Variants in ERLIN2 observed in about 807,000 individuals in gnomAD.
ERLIN2 encodes ER lipid raft associated 2.
A neutral mutation model predicts 41.5 loss-of-function variants in ERLIN2; 22 were observed. That is an observed-to-expected ratio of 0.53 (90% CI 0.38 to 0.76). The LOEUF is 0.76. Among genes scored for constraint, ERLIN2 ranks in the 30% least tolerant of loss-of-function variants. The probability of loss-of-function intolerance (pLI) is 0.00; values close to 1 mark genes in which losing one functional copy is unlikely to be tolerated. For synonymous variants in ERLIN2, 149 were observed against 150.9 expected (o/e 0.99, Z 0.09); for missense variants, 247 against 414.3 (o/e 0.60, Z 3.51).
intron 1 of ERLIN2, 184 bp from the exon 2 acceptor site, chr8:37,737,724 A>G: frequency 1.5e-6 from 1 of 645,554 alleles, no homozygotes; most frequent in Non-Finnish European, 2.7e-6. Context: ...TTTACAGTTA[A>G]AGAAAGGGGA....
Position 37,750,423 on chromosome 8 carries a change from G to A in ERLIN2, c.586G>A (p.Ala196Thr). ...MESEKTKLLI[A>T]AQKQKVVEKE... ...AAGTGAGAAGACAAAGCTTCTCATT[G>A]CCGCCCAGAAACAGAAGGTGGTGGA... Residue 196 changes from alanine to threonine, a missense_variant, in exon 9 of 12, where the codon GCC becomes ACC. Around this residue, in one of 3 missense-constraint regions of ERLIN2, gnomAD observed 153 missense variants for 256.4 expected, o/e 0.60. Transcript: ENST00000519638. 2 of 1,613,742 alleles carry A rather than the reference G, an allele frequency of 1.2e-6. No individual in the cohort carries two copies. The highest frequency in any genetic ancestry group is 2.2e-5 in the South Asian group (2 of 91,078).
At chr8:37,736,849 C>T (rs1802660686) in intron 1 of ERLIN2, 171 bp downstream of exon 1, 2 of 985,830 alleles carry the variant, frequency 2.0e-6, no homozygotes, top group Non-Finnish European at 2.4e-6. Flanking sequence ...TTGCGAGCCG[C>T]AGGGGGACCG....
At chr8:37,736,888 G>A (rs1802662634) in intron 1 of ERLIN2, 1 of 985,950 alleles carries the variant, frequency 1.0e-6, no homozygotes, top group African/African-American at 1.7e-5. Flanking sequence ...CGCAGCCCCA[G>A]ACCAGGGCGC....
At chr8:37,743,323 G>A (rs1340717608) in intron 4 of ERLIN2, among the ~76,000 whole-genome samples, 1 of 152,182 alleles carries the variant, frequency 6.6e-6, no homozygotes, top group Non-Finnish European at 1.5e-5. Context: ...CCATTCTGAA[G>A]GCCCAAAGTC....
chr8:37,747,657 A>G, intron 6 of ERLIN2: 1 of 1,603,880 alleles, frequency 6.2e-7, no homozygotes. Context: ...CGACTGCTCC[A>G]TCCACAATGA....
At chr8:37,739,620 G>A (rs1802781215) in intron 2 of ERLIN2, among the ~76,000 whole-genome samples, 1 of 151,730 alleles carries the variant, frequency 6.6e-6, no homozygotes, top group South Asian at 2.1e-4. Context: ...GATTACAGGT[G>A]CCTGCCACCA....
At chr8:37,739,300 A>G (rs1802769699) in intron 2 of ERLIN2, among the ~76,000 whole-genome samples, 1 of 152,244 alleles carries the variant, frequency 6.6e-6, no homozygotes. Flanking sequence ...TTAGAAAGGT[A>G]ACTCTATTGC....
chr8:37,746,667 C>T, intron 6 of ERLIN2: 1 of 316,086 alleles, frequency 3.2e-6, no homozygotes, highest in Non-Finnish European at 4.6e-6. Flanking sequence ...GTTACTTATT[C>T]AGACCCCATT....
At chr8:37,742,987 T>G (rs1212085848) in intron 4 of ERLIN2, among the ~76,000 whole-genome samples, 1 of 152,208 alleles carries the variant, frequency 6.6e-6, no homozygotes, top group Non-Finnish European at 1.5e-5. Context: ...AGAACACTGC[T>G]ACAGCGGTCC....
intron 6 of ERLIN2, chr8:37,746,625 C>A: frequency 1.4e-6 from 1 of 718,740 alleles, no homozygotes. Context: ...GGAAGCAATA[C>A]TAGCTGCCCG....
Position 37,756,154 on chromosome 8 carries a change from A to G in ERLIN2, c.*2039A>G, listed in dbSNP as rs1019447506. The G allele has an allele frequency of 6.6e-6, 1 of 152,128 alleles. No homozygotes were observed. Among genetic ancestry groups the G allele is most frequent in the Non-Finnish European group, 1.5e-5 (1 of 68,036 alleles). 9.4% of individuals were successfully genotyped at this position (152,128 alleles called of 1,614,324 possible). On this transcript the variant is annotated 3_prime_UTR_variant, in exon 12 of 12. Coordinates refer to ENST00000519638, the MANE Select transcript of ERLIN2 (RefSeq NM_007175.8). Reference sequence around the variant, plus strand: ...CAGTGAGCCAAGATCATGCCATCCCACTCTAGCTTGGGCAATAGAGCAAGG... The same window carrying G: ...CAGTGAGCCAAGATCATGCCATCCCGCTCTAGCTTGGGCAATAGAGCAAGG...
In ERLIN2 at chr8:37,757,816, G is replaced by A. The variant is rs138849654; in HGVS notation, c.*3701G>A. On this transcript the variant is annotated 3_prime_UTR_variant, in exon 12 of 12. Coordinates refer to ENST00000519638, the MANE Select transcript of ERLIN2 (RefSeq NM_007175.8). ...CATTATCGATACAGAATTTGTGAAC[G>A]TGGCATAATTCTTGGTAGGTGCTAT... 63 of 152,202 alleles carry A rather than the reference G, an allele frequency of 4.1e-4. No homozygotes were observed. The highest frequency in any genetic ancestry group is 1.2e-3 in the East Asian group (6 of 5,182). 9.4% of individuals were successfully genotyped at this position (152,202 alleles called of 1,614,324 possible).
intron 11 of ERLIN2, 110 bp downstream of exon 11, chr8:37,753,639 G>T: frequency 1.0e-6 from 1 of 972,168 alleles, no homozygotes; most frequent in South Asian, 1.3e-5. Context: ...TTCATGGGCA[G>T]AACTGAGGAT....
intron 1 of ERLIN2, chr8:37,736,952 G>A: frequency 2.0e-6 from 2 of 985,988 alleles, no homozygotes; most frequent in South Asian, 4.7e-5. Context: ...CTCGGGGAGG[G>A]AAGGGCACTG....
chr8:37,748,297 A>T (rs1164255353), intron 6 of ERLIN2, among the ~76,000 whole-genome samples: 2 of 152,194 alleles, frequency 1.3e-5, no homozygotes, highest in African/African-American at 2.4e-5. Context: ...CGGGCCATTT[A>T]AAGTTTGGTT....
At position 37,750,502 on chromosome 8, in the gene ERLIN2, T is replaced by C; in HGVS notation, c.649+16T>C. On this transcript the variant is annotated intron_variant, in intron 9 of 11. Transcript: ENST00000519638. ...GCGCTCATTGGTCTGAATGTGGTTC[T>C]GTGATCCCCCTTTCCAGGCAGAAAG... 1 of 1,602,030 alleles carries C rather than the reference T, an allele frequency of 6.2e-7. No individual in the cohort carries two copies. Among genetic ancestry groups the C allele is most frequent in the Non-Finnish European group, 8.5e-7 (1 of 1,170,306 alleles).
intron 10 of ERLIN2, among the ~76,000 whole-genome samples, chr8:37,752,153 G>T (rs988180599): frequency 1.3e-5 from 2 of 152,198 alleles, no homozygotes; most frequent in Admixed American, 6.5e-5. Flanking sequence ...GGTCTATGCA[G>T]ATATTAAGCC....
chr8:37,748,087 T>A, intron 6 of ERLIN2: 2 of 1,024,928 alleles, frequency 2.0e-6, no homozygotes, highest in Non-Finnish European at 3.1e-6. Context: ...TTGCGCCTTT[T>A]CCCTGCGGCT....
chr8:37,743,889 C>T (rs1181594406), intron 4 of ERLIN2, among the ~76,000 whole-genome samples: 1 of 152,138 alleles, frequency 6.6e-6, no homozygotes, highest in Non-Finnish European at 1.5e-5. Context: ...ACTCTTTCGG[C>T]TTCTCTATGT....
Sources: allele counts gnomAD v4.1 joint callset (sites outside exome capture counted in the v4.1 genomes callset), GRCh38; gene constraint gnomAD v4.1.1; regional missense constraint gnomAD v4.1.1; transcripts MANE v1.5; gene names NCBI Gene and HGNC (gene_info 2026-07-23, HGNC 2026-07-21).